Variants in HCRTR1 observed in about 807,000 individuals in gnomAD.
The protein encoded by HCRTR1 is hypocretin receptor 1.
In HCRTR1, 28 loss-of-function variants were observed where a neutral mutation model predicts 40.6. The ratio of observed to expected loss-of-function variants is 0.69; its 90% CI spans 0.51 to 0.95. The LOEUF (loss-of-function observed/expected upper bound fraction) is 0.95. HCRTR1 is among the 40% of genes least tolerant of loss of function. The probability of loss-of-function intolerance (pLI) is 0.00; values close to 1 mark genes in which losing one functional copy is unlikely to be tolerated. For synonymous variants in HCRTR1, 209 were observed against 230.0 expected (o/e 0.91, Z 0.83); for missense variants, 482 against 564.7 (o/e 0.85, Z 1.48).
At chr1:31,630,642 C>T (rs779189008), downstream of HCRTR1, 7 of 1,612,628 alleles carry the variant, frequency 4.3e-6, no homozygotes, top group East Asian at 2.2e-5. Context: ...GTCATGGTGA[C>T]GAAGTCCTCG....
chr1:31,627,684 G>C (rs940699884), downstream of HCRTR1: 1 of 275,996 alleles, frequency 3.6e-6, no homozygotes, highest in Non-Finnish European at 7.2e-6. Flanking sequence ...TGGGGAAGCT[G>C]GGGGGAGGGA....
At chr1:31,630,438 A>C (rs548854851), downstream of HCRTR1, 3 of 678,336 alleles carry the variant, frequency 4.4e-6, 1 homozygote, top group South Asian at 5.6e-5. Context: ...CCCGGTCCTC[A>C]CTATTTGGTG....
chr1:31,625,767 G>C lies in HCRTR1; in HGVS notation c.1087+649G>C, dbSNP rs1025294794. Among the ~76,000 whole-genome samples the C allele has an allele frequency of 1.3e-5, 2 of 152,104 alleles. No individual in the cohort carries two copies. Among genetic ancestry groups the C allele is most frequent in the Non-Finnish European group, 2.9e-5 (2 of 68,034 alleles). The stretch of plus-strand genomic sequence containing the variant: ...AGGGTGGTAATGGCTCTGAGGCTGA[G>C]CTCAGCAGAAGTCTGACTCACCAGC... On this transcript the variant is annotated intron_variant, in intron 8 of 8. Transcript: ENST00000403528. This position sits in a 1 kb window ranked among gnomAD's most constrained non-coding sequence, Gnocchi z 4.2.
downstream of HCRTR1, chr1:31,632,183 C>T: frequency 1.7e-6 from 1 of 588,282 alleles, no homozygotes; most frequent in Non-Finnish European, 3.0e-6. Flanking sequence ...ACCCAAGCCA[C>T]ACACACTGGT....
chr1:31,632,721 C>A (rs1255630753), downstream of HCRTR1: 2 of 1,499,556 alleles, frequency 1.3e-6, no homozygotes, highest in African/African-American at 1.4e-5. Context: ...TGAGGCAGCC[C>A]TTCTCTCCAG....
downstream of HCRTR1, chr1:31,630,857 C>A (rs371471126): frequency 7.1e-5 from 112 of 1,585,718 alleles, 2 homozygotes; most frequent in East Asian, 1.1e-3. Flanking sequence ...AGAAGAGGGG[C>A]ACACAGACCA....
downstream of HCRTR1, among the ~76,000 whole-genome samples, chr1:31,628,478 G>A (rs1640021060): frequency 6.6e-6 from 1 of 152,220 alleles, no homozygotes; most frequent in South Asian, 2.1e-4. Context: ...GCATAGGTAG[G>A]CTTGGAGGTG....
At chr1:31,631,145 T>A (rs10914458), downstream of HCRTR1, among the ~76,000 whole-genome samples, 2 of 151,952 alleles carry the variant, frequency 1.3e-5, no homozygotes, top group Non-Finnish European at 1.5e-5. Flanking sequence ...TCATCTCTGA[T>A]TCGTTTGCAT....
chr1:31,632,479 C>T (rs1308963478), downstream of HCRTR1: 11 of 1,614,116 alleles, frequency 6.8e-6, no homozygotes, highest in African/African-American at 1.3e-5. Flanking sequence ...CATCGTGCCC[C>T]GGCCATGACC....
At chr1:31,621,667 A>G (rs1172390413) in intron 6 of HCRTR1, 75 bp downstream of exon 6, 8 of 1,036,222 alleles carry the variant, frequency 7.7e-6, no homozygotes, top group Non-Finnish European at 1.2e-5. Context: ...GGTCTAACTG[A>G]GTAGGCAGTC....
chr1:31,624,333 C>G (rs1639927168), intron 7 of HCRTR1, among the ~76,000 whole-genome samples: 1 of 151,438 alleles, frequency 6.6e-6, no homozygotes, highest in African/African-American at 2.4e-5. Flanking sequence ...GTGGCATGTG[C>G]CTGTAGTTCT....
downstream of HCRTR1, chr1:31,633,235 G>A (rs755442673): frequency 1.5e-5 from 25 of 1,613,978 alleles, no homozygotes; most frequent in Non-Finnish European, 2.1e-5. Context: ...GCTCCTTCAT[G>A]GAGATATAGC....
intron 2 of HCRTR1, 34 bp downstream of exon 2, chr1:31,618,850 G>A: frequency 8.9e-6 from 3 of 337,912 alleles, no homozygotes; most frequent in South Asian, 6.6e-5. Context: ...AGACAGATGG[G>A]GAAACCAAGG....
At chr1:31,627,893 G>C (rs866408023), downstream of HCRTR1, among the ~76,000 whole-genome samples, 1 of 152,226 alleles carries the variant, frequency 6.6e-6, no homozygotes, top group African/African-American at 2.4e-5. Flanking sequence ...AGGGGGGCCG[G>C]GTGGGCAGAT....
chr1:31,629,135 G>A (rs756641699), downstream of HCRTR1, among the ~76,000 whole-genome samples: 1 of 152,222 alleles, frequency 6.6e-6, no homozygotes, highest in Non-Finnish European at 1.5e-5. Context: ...TGGCCTCTGG[G>A]AACTGGATTC....
chr1:31,631,116 G>A (rs997171558), downstream of HCRTR1, among the ~76,000 whole-genome samples: 2 of 152,144 alleles, frequency 1.3e-5, no homozygotes, highest in Non-Finnish European at 2.9e-5. Context: ...TTGCAGAGAC[G>A]ACAACGGACT....
rs751268146 is a variant in HCRTR1, at chr1:31,621,478, T to C, written c.624T>C (p.Asp208=). 3.1e-6 allele frequency: 5 copies of C among 1,609,724 alleles called. No homozygotes were observed. In the African/African-American group the frequency reaches 5.3e-5, roughly 17 times the overall value. Residue 208 remains aspartate, a splice_region_variant and synonymous_variant, in exon 6 of 9, where the codon GAT becomes GAC. Coordinates refer to ENST00000403528, the MANE Select transcript of HCRTR1 (RefSeq NM_001525.3). ...LFSVCDERWA[D]DLYPKIYHSC... is the part of the protein sequence containing the mutation. Reference sequence around the variant, plus strand: ...CTCTGCATCTCTTGACCCCTGCAGATGACCTCTATCCCAAGATCTACCACA... The same window carrying C: ...CTCTGCATCTCTTGACCCCTGCAGACGACCTCTATCCCAAGATCTACCACA...
chr1:31,622,583 CTTA>C (rs897458218), intron 6 of HCRTR1, among the ~76,000 whole-genome samples: 7 of 152,096 alleles, frequency 4.6e-5, no homozygotes, highest in Non-Finnish European at 1.0e-4. Flanking sequence ...GAAAGCAAGG[CTTA>C]GAAAGGAAAA....
intron 7 of HCRTR1, 139 bp downstream of exon 7, chr1:31,623,888 C>T: frequency 1.6e-6 from 1 of 633,902 alleles, no homozygotes; most frequent in Non-Finnish European, 2.8e-6. Context: ...TCTGAGCCTC[C>T]ATCTCCTAGG....
Sources: allele counts gnomAD v4.1 joint callset (sites outside exome capture counted in the v4.1 genomes callset), GRCh38; gene constraint gnomAD v4.1.1; non-coding constraint Gnocchi (gnomAD v3.1); transcripts MANE v1.5; gene names NCBI Gene and HGNC (gene_info 2026-07-23, HGNC 2026-07-21).